SPTBN5: variants seen among roughly 807,000 people sequenced by gnomAD.
SPTBN5 encodes spectrin beta chain, non-erythrocytic 5.
In SPTBN5, 513 loss-of-function variants were observed where a neutral mutation model predicts 477.6. The observed-to-expected ratio is 1.07, with a 90% CI of 1.00 to 1.16. The LOEUF is 1.16. Ranked by LOEUF, SPTBN5 falls within the 50% of genes most tolerant of loss-of-function variation. The probability of loss-of-function intolerance (pLI) is 0.00; values close to 1 mark genes in which losing one functional copy is unlikely to be tolerated. For missense variants in SPTBN5, 5,062 were observed against 4,731.8 expected (o/e 1.07, Z -2.05); for synonymous variants, 2,169 against 2,011.7 (o/e 1.08, Z -2.09).
In SPTBN5 at chr15:41,882,015, A is replaced by G. The variant is rs920983714; in HGVS notation, c.2378T>C (p.Val793Ala). The change falls in exon 12 of 68, where the codon GTC becomes GCC. Residue 793 changes from valine to alanine, a missense_variant. By Grantham distance (64) the Val-to-Ala change is moderately conservative (BLOSUM62 0). Transcript: ENST00000320955. ...CAGCTCGGCCGCGAAGGCGCGCAGGACGCGCTCCAGCCGCACGTGGCGCCT... is the reference window on the plus strand; with the variant it reads ...CAGCTCGGCCGCGAAGGCGCGCAGGGCGCGCTCCAGCCGCACGTGGCGCCT... ...LLRRHVRLER[V>A]LRAFAAELRR... 2 of 1,538,350 alleles carry G rather than the reference A, an allele frequency of 1.3e-6. No individual in the cohort carries two copies. Among genetic ancestry groups the G allele is most frequent in the African/African-American group, 1.4e-5 (1 of 71,146 alleles).
chr15:41,856,943 C>T lies in SPTBN5; in HGVS notation c.8718G>A (p.Met2906Ile). ...LKFFRDADEE[M>I]AWVQEKLPLA... is the part of the protein sequence containing the mutation. ...GAGGCAGCTTCTCCTGCACCCAGGC[C>T]ATTTCCTCGTCGGCGTCCCTGAAGA... Residue 2906 changes from methionine (M) to isoleucine (I), a missense_variant, in exon 52 of 68, where the codon ATG (methionine) becomes ATA (isoleucine). Transcript: ENST00000320955. The T allele has an allele frequency of 1.3e-6, 2 of 1,581,108 alleles. No individual in the cohort carries two copies. The highest frequency in any genetic ancestry group is 1.7e-6 in the Non-Finnish European group (2 of 1,164,194).
rs2066357505 is a variant in SPTBN5 at position 41,867,279 on chromosome 15, AC to A, written c.6313-154del. Among the ~76,000 whole-genome samples, 3 of 152,132 alleles carry A rather than the reference AC, an allele frequency of 2.0e-5. No homozygotes were observed. The South Asian group carries it at 6.2e-4, about 31-fold the overall frequency. ...TCTGATCCTCCCAGCCACAAGCCAGACCAGTCTGCTCCCCAAGGACCACACG... is the reference window on the plus strand; with the variant it reads ...TCTGATCCTCCCAGCCACAAGCCAGACAGTCTGCTCCCCAAGGACCACACG... On this transcript the variant is annotated intron_variant, in intron 35 of 67. Transcript: ENST00000320955.
intron 21 of SPTBN5, 115 bp downstream of exon 21, chr15:41,875,999 G>A (rs1482152213): frequency 7.5e-7 from 1 of 1,336,062 alleles, no homozygotes; most frequent in Non-Finnish European, 1.0e-6. Context: ...GAGGTTCTAG[G>A]TTCACGCTGA....
At chr15:41,851,968 A>G in intron 62 of SPTBN5, 118 bp from the exon 63 acceptor site, 1 of 965,846 alleles carries the variant, frequency 1.0e-6, no homozygotes, top group Non-Finnish European at 1.6e-6. Context: ...ACCAGGCCTG[A>G]CCCTGCTTAG....
intron 60 of SPTBN5, 41 bp from the exon 61 acceptor site, chr15:41,852,776 G>A (rs571372336): frequency 6.8e-6 from 11 of 1,610,864 alleles, no homozygotes; most frequent in Non-Finnish European, 9.3e-6. Context: ...GCTTGGGGGG[G>A]GGGGCCCAGA....
intron 49 of SPTBN5, 89 bp downstream of exon 49, chr15:41,858,513 G>C (rs1042590122): frequency 6.9e-7 from 1 of 1,456,738 alleles, no homozygotes; most frequent in Non-Finnish European, 9.2e-7. Context: ...GCTGGCCACC[G>C]TTACTGTGGT....
At chr15:41,874,189 AGGGGTGAG>A in intron 24 of SPTBN5, 95 bp downstream of exon 24, 1 of 1,511,094 alleles carries the variant, frequency 6.6e-7, no homozygotes, top group Non-Finnish European at 9.0e-7. Context: ...TGGGATACCC[AGGGGTGAG>A]GGCTTAGAGG....
At chr15:41,868,670 G>A in intron 32 of SPTBN5, 69 bp from the exon 33 acceptor site, 1 of 1,516,548 alleles carries the variant, frequency 6.6e-7, no homozygotes, top group Non-Finnish European at 9.0e-7. Context: ...CAGGTGCTGA[G>A]GCAACTGCAG....
intron 47 of SPTBN5, 44 bp from the exon 48 acceptor site, chr15:41,859,024 C>T (rs775085628): frequency 1.4e-6 from 2 of 1,443,712 alleles, no homozygotes; most frequent in South Asian, 2.9e-5. Flanking sequence ...ACCCCCGGGG[C>T]CAGGTGGGGT....
In SPTBN5 at chr15:41,855,266, G is replaced by A. The variant is rs146113079; in HGVS notation, c.9381C>T (p.Thr3127=). The change falls in exon 55 of 68, where the codon ACC becomes ACT. Residue 3127 remains threonine, a synonymous_variant. Transcript: ENST00000320955. ...CCTGCCCGTAGTCCTGGGACTCGGC[G>A]GTGGCCGCCTTGGTGGTCAGCCAGG... ...LDAWLTTKAA[T]AESQDYGQDL... is the part of the protein sequence containing the mutation. 4.2e-5 allele frequency: 67 copies of A among 1,612,378 alleles called. No individual in the cohort carries two copies. In the East Asian group the frequency reaches 1.0e-3, roughly 25 times the overall value.
chr15:41,855,217 A>C lies in SPTBN5; in HGVS notation c.9423+7T>G. 6.2e-7 allele frequency: 1 copy of C among 1,605,602 alleles called. No individual in the cohort carries two copies. The highest frequency in any genetic ancestry group is 8.5e-7 in the Non-Finnish European group (1 of 1,174,452). On this transcript the variant is annotated splice_region_variant and intron_variant, in intron 55 of 67. Coordinates refer to ENST00000320955, the MANE Select transcript of SPTBN5 (RefSeq NM_016642.4). ...CTCCCCGTGAGGTTTGCTCAGGAGTAACTCACCTTGACACCCTCCAGGTCC... is the reference window on the plus strand; with the variant it reads ...CTCCCCGTGAGGTTTGCTCAGGAGTCACTCACCTTGACACCCTCCAGGTCC...
chr15:41,857,425 C>G lies in SPTBN5; in HGVS notation c.8434G>C (p.Ala2812Pro). 6.2e-7 allele frequency: 1 copy of G among 1,603,028 alleles called. No homozygotes were observed. Among genetic ancestry groups the G allele is most frequent in the South Asian group, 1.1e-5 (1 of 89,044 alleles). ...WLEPIEVELRAPTVGQALPGV... is the reference protein window; with the variant it reads ...WLEPIEVELRPPTVGQALPGV... Reference sequence around the variant, plus strand: ...GGCAGGGCCTGGCCCACAGTGGGGGCTCTCAGCTCAACCTCGATGGGCTCC... The same window carrying G: ...GGCAGGGCCTGGCCCACAGTGGGGGGTCTCAGCTCAACCTCGATGGGCTCC... Residue 2812 changes from alanine to proline, a missense_variant, in exon 51 of 68, where the codon GCC becomes CCC. Transcript: ENST00000320955.
At chr15:41,886,950 G>T (rs949008709) in intron 6 of SPTBN5, among the ~76,000 whole-genome samples, 5 of 152,364 alleles carry the variant, frequency 3.3e-5, no homozygotes, top group African/African-American at 1.2e-4. Context: ...CGGGAAGAAG[G>T]GGGAGGCCCA....
Position 41,851,852 on chromosome 15 carries a change from T to C in SPTBN5, c.10585-2A>G. ...CATGGTGGGGGTACCCTTTGCATCC[T>C]GAAAATGCAAGATGGGGCCCAGAAA... On this transcript the variant is annotated splice_acceptor_variant, in intron 62 of 67. Coordinates refer to ENST00000320955, the MANE Select transcript of SPTBN5 (RefSeq NM_016642.4). LOFTEE classifies it high-confidence loss of function. The C allele has an allele frequency of 6.2e-7, 1 of 1,608,184 alleles. No individual in the cohort carries two copies. Among genetic ancestry groups the C allele is most frequent in the Non-Finnish European group, 8.5e-7 (1 of 1,178,178 alleles).
At chr15:41,869,038 G>A (rs1348729507) in intron 32 of SPTBN5, among the ~76,000 whole-genome samples, 3 of 152,202 alleles carry the variant, frequency 2.0e-5, no homozygotes, top group Non-Finnish European at 4.4e-5. Context: ...TGCTCTCCTT[G>A]TTCTCTGAAT....
At position 41,868,135 on chromosome 15, in the gene SPTBN5, G is replaced by A. The variant is rs747076443; in HGVS notation, c.6141C>T (p.Ala2047=). Residue 2047 remains alanine (A), a synonymous_variant, in exon 34 of 68, where the codon GCC becomes GCT. Transcript: ENST00000320955. The part of the protein sequence containing the change: ...TWARKQERLQ[A]EQQEQLFLRE... The stretch of plus-strand genomic sequence containing the variant: ...TGAGGAAGAGCTGCTCCTGCTGCTC[G>A]GCCTGCAGCCTCTCTTGCTTCCGTG... 1.8e-5 allele frequency: 28 copies of A among 1,596,102 alleles called. No homozygotes were observed. Among genetic ancestry groups the A allele is most frequent in the Admixed American group, 8.7e-5 (5 of 57,734 alleles).
chr15:41,849,764 A>G, intron 67 of SPTBN5, 105 bp downstream of exon 67: 2 of 877,510 alleles, frequency 2.3e-6, no homozygotes, highest in Non-Finnish European at 1.8e-6. Flanking sequence ...CTACAGCCCA[A>G]CAGAGTAAGT....
intron 4 of SPTBN5, among the ~76,000 whole-genome samples, chr15:41,888,603 T>C (rs1567233646): frequency 2.0e-5 from 3 of 152,206 alleles, no homozygotes; most frequent in African/African-American, 4.8e-5. Context: ...TGGGACTACA[T>C]GGAGGCACCA....
Position 41,849,958 on chromosome 15 carries a change from G to T in SPTBN5, c.10923C>A (p.Ala3641=), listed in dbSNP as rs1470589310. 1 of 1,587,370 alleles carries T rather than the reference G, an allele frequency of 6.3e-7. No homozygotes were observed. The highest frequency in any genetic ancestry group is 1.1e-5 in the South Asian group (1 of 86,980). The change falls in exon 67 of 68, where the codon GCC becomes GCA. Residue 3641 remains alanine (A), a splice_region_variant and synonymous_variant. Coordinates refer to ENST00000320955, the MANE Select transcript of SPTBN5 (RefSeq NM_016642.4). ...SWWRALGSTA[A]QSLSPKLKAK... ...CTTTGAGTTTTGGGCTCAGACTCTG[G>T]GCTGCAGAGCAAGGGAATAACCACT...
Sources: allele counts gnomAD v4.1 joint callset (sites outside exome capture counted in the v4.1 genomes callset), GRCh38; gene constraint gnomAD v4.1.1; transcripts MANE v1.5; gene names NCBI Gene and HGNC (gene_info 2026-07-23, HGNC 2026-07-21).